The following VEGFC variants were observed in gnomAD, a reference collection of about 807,000 sequenced individuals.
The protein encoded by VEGFC is vascular endothelial growth factor C, also known as FLT4 ligand DHM.
A neutral mutation model predicts 46.1 loss-of-function variants in VEGFC; 12 were observed. The ratio of observed to expected loss-of-function variants is 0.26; its 90% CI spans 0.17 to 0.42. The LOEUF (loss-of-function observed/expected upper bound fraction) is 0.42, where lower values mean the gene tolerates loss of function less well. VEGFC is among the 10% of genes least tolerant of loss of function. The probability of loss-of-function intolerance (pLI) is 1.00; values close to 1 mark genes in which losing one functional copy is unlikely to be tolerated. For synonymous variants in VEGFC, 232 were observed against 195.5 expected (o/e 1.19, Z -1.56); for missense variants, 488 against 529.4 (o/e 0.92, Z 0.77).
chr4:176,787,834 C>G (rs1468342504), intron 1 of VEGFC, among the ~76,000 whole-genome samples: 1 of 152,180 alleles, frequency 6.6e-6, no homozygotes, highest in Non-Finnish European at 1.5e-5. Flanking sequence ...TCAAACTCAT[C>G]AGCATCTCTC....
chr4:176,781,522 T>C (rs1391126220), intron 1 of VEGFC, among the ~76,000 whole-genome samples: 1 of 152,220 alleles, frequency 6.6e-6, no homozygotes, highest in East Asian at 1.9e-4. Flanking sequence ...GTATCTGATA[T>C]CAACTAGCTA....
At chr4:176,707,280 A>G (rs1311670485) in intron 4 of VEGFC, among the ~76,000 whole-genome samples, 1 of 152,234 alleles carries the variant, frequency 6.6e-6, no homozygotes, top group Non-Finnish European at 1.5e-5. Flanking sequence ...TTTAATGCCC[A>G]TTGGTGACAT....
chr4:176,753,772 A>C (rs934187142), intron 1 of VEGFC, among the ~76,000 whole-genome samples: 1 of 152,108 alleles, frequency 6.6e-6, no homozygotes, highest in Non-Finnish European at 1.5e-5. Context: ...AACTGTTATG[A>C]CTTACTCATC....
chr4:176,737,929 G>A (rs374458055), intron 1 of VEGFC, among the ~76,000 whole-genome samples: 1 of 151,740 alleles, frequency 6.6e-6, no homozygotes, highest in African/African-American at 2.4e-5. Context: ...TTGTGATGGT[G>A]ATAATAATTT....
At chr4:176,776,839 GAAC>G (rs1485610479) in intron 1 of VEGFC, among the ~76,000 whole-genome samples, 2 of 152,176 alleles carry the variant, frequency 1.3e-5, no homozygotes, top group Non-Finnish European at 2.9e-5. Context: ...CTATCAAAAT[GAAC>G]AACTTAGACA....
chr4:176,704,105 C>G (rs1734481253), intron 4 of VEGFC, among the ~76,000 whole-genome samples: 1 of 152,118 alleles, frequency 6.6e-6, no homozygotes, highest in South Asian at 2.1e-4. Flanking sequence ...CTTCCTCCTT[C>G]CTTGAACTCA....
intron 1 of VEGFC, among the ~76,000 whole-genome samples, chr4:176,755,122 T>G (rs2110900833): frequency 6.6e-6 from 1 of 152,190 alleles, no homozygotes; most frequent in Admixed American, 6.5e-5. Context: ...ATGTATACAT[T>G]CAGAAATGCA....
chr4:176,687,633 G>A, intron 5 of VEGFC, 113 bp from the exon 6 acceptor site: 2 of 1,129,914 alleles, frequency 1.8e-6, no homozygotes, highest in Non-Finnish European at 2.4e-6. Context: ...AAAGGATTGG[G>A]TACAAACATG....
intron 1 of VEGFC, among the ~76,000 whole-genome samples, chr4:176,739,797 C>A (rs981558866): frequency 6.6e-6 from 1 of 150,888 alleles, no homozygotes; most frequent in Non-Finnish European, 1.5e-5. Flanking sequence ...AGATGCTAGA[C>A]CTCGGCAAAT....
rs557330821 is a variant in VEGFC, at chr4:176,697,713, T to C, written c.705-9786A>G. ...ATGTTTATTGCGGCATTATTCACGA[T>C]AGCAAAGACTTGGAACCAACCCAAA... is the stretch of plus-strand genomic sequence containing the variant. On this transcript the variant is annotated intron_variant, in intron 4 of 6. Transcript: ENST00000618562. 1.2e-3 allele frequency among the ~76,000 whole-genome samples: 176 copies of C among 151,692 alleles called. 1 individual carries two copies. The highest frequency in any genetic ancestry group is 3.5e-3 in the African/African-American group (144 of 41,306).
At chr4:176,721,726 C>A (rs1274778840) in intron 3 of VEGFC, among the ~76,000 whole-genome samples, 1 of 152,184 alleles carries the variant, frequency 6.6e-6, no homozygotes, top group Non-Finnish European at 1.5e-5. Flanking sequence ...GATTCACTTA[C>A]TTGCTTATTT....
intron 4 of VEGFC, among the ~76,000 whole-genome samples, chr4:176,711,041 CAT>C (rs1382442094): frequency 6.6e-6 from 1 of 151,824 alleles, no homozygotes; most frequent in African/African-American, 2.4e-5. Flanking sequence ...CACACACACA[CAT>C]ATATATTTTT....
At chr4:176,755,702 C>T (rs1735421152) in intron 1 of VEGFC, among the ~76,000 whole-genome samples, 1 of 151,988 alleles carries the variant, frequency 6.6e-6, no homozygotes, top group Admixed American at 6.6e-5. Context: ...AACTATCATA[C>T]ATCCATAATC....
chr4:176,748,327 C>T (rs1735290522), intron 1 of VEGFC, among the ~76,000 whole-genome samples: 1 of 152,056 alleles, frequency 6.6e-6, no homozygotes, highest in African/African-American at 2.4e-5. Context: ...CAAATTTGAG[C>T]TTTGCAGGGT....
intron 1 of VEGFC, among the ~76,000 whole-genome samples, chr4:176,791,894 G>C (rs1257357680): frequency 6.6e-6 from 1 of 152,154 alleles, no homozygotes; most frequent in African/African-American, 2.4e-5. Context: ...GGTTGCCCCA[G>C]AGGAAACCAG....
chr4:176,712,610 G>T (rs1479779722), intron 3 of VEGFC, among the ~76,000 whole-genome samples: 4 of 152,020 alleles, frequency 2.6e-5, no homozygotes, highest in African/African-American at 9.7e-5. Flanking sequence ...TGTATTACTT[G>T]GTGTCTTCAT....
intron 3 of VEGFC, among the ~76,000 whole-genome samples, chr4:176,725,127 C>T (rs1734851860): frequency 6.6e-6 from 1 of 152,108 alleles, no homozygotes; most frequent in Non-Finnish European, 1.5e-5. Context: ...ATCCCAATTA[C>T]CCTGATTTGA....
chr4:176,722,630 C>T (rs1435488181), intron 3 of VEGFC, among the ~76,000 whole-genome samples: 1 of 151,930 alleles, frequency 6.6e-6, no homozygotes, highest in Admixed American at 6.6e-5. Context: ...TCCCGCGTAG[C>T]TGGGACCACA....
At chr4:176,717,419 A>C (rs1734716629) in intron 3 of VEGFC, among the ~76,000 whole-genome samples, 1 of 152,134 alleles carries the variant, frequency 6.6e-6, no homozygotes, top group Admixed American at 6.5e-5. Flanking sequence ...AATTCTCACC[A>C]ACAAGAATGG....
Sources: allele counts gnomAD v4.1 joint callset (sites outside exome capture counted in the v4.1 genomes callset), GRCh38; gene constraint gnomAD v4.1.1; transcripts MANE v1.5; gene names NCBI Gene and HGNC (gene_info 2026-07-23, HGNC 2026-07-21).